KCNH5: variants seen among roughly 807,000 people sequenced by gnomAD.
The protein encoded by KCNH5 is potassium voltage-gated channel subfamily H member 5.
In KCNH5, 46 loss-of-function variants were observed where a neutral mutation model predicts 96.1. The observed-to-expected ratio is 0.48, with a 90% confidence interval of 0.38 to 0.61. The LOEUF is 0.61. Ranked by LOEUF, KCNH5 falls within the 20% of genes least tolerant of loss-of-function variation. KCNH5 has a pLI of 0.00. For missense variants in KCNH5, 907 were observed against 1,225.8 expected (o/e 0.74, Z 3.88); for synonymous variants, 439 against 449.8 (o/e 0.98, Z 0.30).
intron 10 of KCNH5, among the ~76,000 whole-genome samples, chr14:62,744,109 T>C (rs1885327982): frequency 6.6e-6 from 1 of 152,204 alleles, no homozygotes; most frequent in African/African-American, 2.4e-5. Context: ...TGACTACTGA[T>C]ATTTTAAAAA....
intron 7 of KCNH5, among the ~76,000 whole-genome samples, chr14:62,943,861 C>T (rs578210173): frequency 2.4e-4 from 37 of 152,268 alleles, no homozygotes; most frequent in African/African-American, 8.4e-4. Flanking sequence ...TATAGAGAAG[C>T]ATCAGGCAAC....
At chr14:63,036,443 A>G (rs1052401007) in intron 1 of KCNH5, among the ~76,000 whole-genome samples, 1 of 152,116 alleles carries the variant, frequency 6.6e-6, no homozygotes, top group Admixed American at 6.6e-5. Flanking sequence ...AGATGACCCT[A>G]ACACTTCTAG....
intron 7 of KCNH5, among the ~76,000 whole-genome samples, chr14:62,861,156 C>T (rs548253102): frequency 2.0e-5 from 3 of 152,130 alleles, no homozygotes; most frequent in Non-Finnish European, 4.4e-5. Flanking sequence ...GGGTCAACAC[C>T]AACACACAAC....
In KCNH5 at chr14:62,884,443, C is replaced by T. The variant is rs188957284; in HGVS notation, c.1370-34591G>A. Among the ~76,000 whole-genome samples the T allele has an allele frequency of 1.7e-3, 261 of 152,218 alleles. 1 individual carries two copies. Among genetic ancestry groups the T allele is most frequent in the Middle Eastern group, 6.8e-3 (2 of 294 alleles). On this transcript the variant is annotated intron_variant, in intron 7 of 10. Coordinates refer to ENST00000322893, the MANE Select transcript of KCNH5 (RefSeq NM_139318.5). ...AGTTCACGACCAGCCCTGGGCAACA[C>T]GGTGAAACGCTGTCTCTACTAAAAT...
At chr14:62,800,085 G>A (rs1886630398) in intron 9 of KCNH5, among the ~76,000 whole-genome samples, 1 of 151,510 alleles carries the variant, frequency 6.6e-6, no homozygotes, top group Non-Finnish European at 1.5e-5. Context: ...CATTTTGTAT[G>A]TTAAACAAAC....
intron 10 of KCNH5, among the ~76,000 whole-genome samples, chr14:62,745,842 C>T (rs907842601): frequency 6.6e-6 from 1 of 152,200 alleles, no homozygotes; most frequent in Admixed American, 6.5e-5. Flanking sequence ...GAAACCATCT[C>T]CACTAATCAG....
chr14:62,959,098 T>G (rs1247513708), intron 6 of KCNH5, among the ~76,000 whole-genome samples: 1 of 152,098 alleles, frequency 6.6e-6, no homozygotes, highest in Non-Finnish European at 1.5e-5. Flanking sequence ...CCAACCTACC[T>G]TAAAATCCTA....
chr14:62,899,370 C>T (rs1595675793), intron 7 of KCNH5, among the ~76,000 whole-genome samples: 1 of 152,070 alleles, frequency 6.6e-6, no homozygotes, highest in African/African-American at 2.4e-5. Context: ...GAAAACAAAT[C>T]ATGTACTGTA....
intron 1 of KCNH5, among the ~76,000 whole-genome samples, chr14:63,017,772 T>A (rs970251830): frequency 2.6e-5 from 4 of 151,590 alleles, no homozygotes; most frequent in Non-Finnish European, 5.9e-5. Flanking sequence ...TAAAAATTTT[T>A]AAAGCAATAA....
At chr14:62,733,225 C>T (rs916854069) in intron 10 of KCNH5, among the ~76,000 whole-genome samples, 2 of 151,984 alleles carry the variant, frequency 1.3e-5, no homozygotes, top group Non-Finnish European at 2.9e-5. Flanking sequence ...TGTCCTCTTC[C>T]CCCCAAATTC....
chr14:62,704,771 T>C lies in KCNH5; in HGVS notation c.*2737A>G, dbSNP rs1383004628. On this transcript the variant is annotated 3_prime_UTR_variant, in exon 11 of 11. Transcript: ENST00000322893. Reference sequence around the variant, plus strand: ...AGGAATAAAACATGCAGTTATCTGGTCCTCAAAAGAGCATCTACTGTCTAT... The same window carrying C: ...AGGAATAAAACATGCAGTTATCTGGCCCTCAAAAGAGCATCTACTGTCTAT... The C allele has an allele frequency of 1.3e-5, 2 of 151,944 alleles. No homozygotes were observed. The highest frequency in any genetic ancestry group is 2.9e-5 in the Non-Finnish European group (2 of 67,826). The allele number at this position is 151,944 out of a possible 1,614,324, so 9.4% of individuals were successfully genotyped here. A position where few individuals can be genotyped will look rare whatever the true frequency, so the allele number is the denominator to read the frequency against.
At chr14:62,824,754 C>T (rs746686398) in intron 8 of KCNH5, among the ~76,000 whole-genome samples, 16 of 152,018 alleles carry the variant, frequency 1.1e-4, no homozygotes, top group Admixed American at 6.6e-4. Flanking sequence ...GTTAGTTTTT[C>T]AACCATTGTC....
At chr14:63,008,556 G>A (rs1239135184) in intron 2 of KCNH5, among the ~76,000 whole-genome samples, 1 of 151,822 alleles carries the variant, frequency 6.6e-6, no homozygotes, top group Non-Finnish European at 1.5e-5. Flanking sequence ...GCAGATCAAA[G>A]ATTGTCCAAG....
chr14:62,973,092 C>A (rs563659899), intron 6 of KCNH5, among the ~76,000 whole-genome samples: 1 of 149,502 alleles, frequency 6.7e-6, no homozygotes, highest in Non-Finnish European at 1.5e-5. Flanking sequence ...GTGGGAGAAT[C>A]TATGCATGTT....
At chr14:62,750,510 T>C (rs1043764796) in intron 10 of KCNH5, among the ~76,000 whole-genome samples, 3 of 152,236 alleles carry the variant, frequency 2.0e-5, no homozygotes, top group Non-Finnish European at 1.5e-5. Flanking sequence ...GCTCCTTTAA[T>C]GCTGCTGCCT....
chr14:62,853,915 G>T (rs756627138), intron 7 of KCNH5, among the ~76,000 whole-genome samples: 89 of 150,986 alleles, frequency 5.9e-4, no homozygotes, highest in Non-Finnish European at 9.4e-4. Context: ...GCTGAGGCAG[G>T]AGAATCGCTT....
At chr14:63,026,943 G>C (rs1891534630) in intron 1 of KCNH5, among the ~76,000 whole-genome samples, 1 of 152,020 alleles carries the variant, frequency 6.6e-6, no homozygotes, top group Non-Finnish European at 1.5e-5. Context: ...CTAAGATATG[G>C]AATCAACCTA....
At chr14:62,880,888 G>A (rs766957960) in intron 7 of KCNH5, among the ~76,000 whole-genome samples, 6 of 152,158 alleles carry the variant, frequency 3.9e-5, no homozygotes, top group Non-Finnish European at 7.4e-5. Flanking sequence ...GATGTTTGTT[G>A]CCAAACAGAA....
intron 7 of KCNH5, among the ~76,000 whole-genome samples, chr14:62,947,867 T>A (rs1442953882): frequency 7.2e-5 from 11 of 152,124 alleles, no homozygotes; most frequent in Admixed American, 7.2e-4. Context: ...AGGGTACATA[T>A]GCACATTGTG....
Sources: gnomAD v4.1 joint callset for allele counts (sites outside exome capture counted in the v4.1 genomes callset) on GRCh38, gnomAD v4.1.1 for gene constraint, MANE v1.5 for transcripts, NCBI Gene and HGNC (gene_info 2026-07-23, HGNC 2026-07-21) for gene names.